PRKG1: variants seen among roughly 807,000 people sequenced by gnomAD.
PRKG1 encodes cGMP-dependent protein kinase 1.
PRKG1 carries 35 observed loss-of-function variants against 88.1 expected under a neutral mutation model. The observed-to-expected ratio is 0.40, with a 90% confidence interval of 0.30 to 0.53. The LOEUF is 0.53. Ranked by LOEUF, PRKG1 falls within the 20% of genes least tolerant of loss-of-function variation. The pLI, the probability that PRKG1 is intolerant of heterozygous loss-of-function variation, is 0.59. For missense variants in PRKG1, 540 were observed against 839.8 expected (o/e 0.64, Z 4.41); for synonymous variants, 303 against 292.5 (o/e 1.04, Z -0.37).
At chr10:51,588,406 A>G (rs776716392) in intron 3 of PRKG1, among the ~76,000 whole-genome samples, 27 of 152,304 alleles carry the variant, frequency 1.8e-4, no homozygotes, top group Admixed American at 1.0e-3. Context: ...CCTGAGCCCT[A>G]TCTCTAGAGA....
intron 17 of PRKG1, among the ~76,000 whole-genome samples, chr10:52,293,132 G>A (rs11001484): frequency 0.07 from 10,420 of 148,884 alleles, 441 homozygotes; most frequent in South Asian, 0.19. Flanking sequence ...CAAACAGAGA[G>A]CCAAATCATG....
chr10:51,750,147 G>A (rs1837685531), intron 3 of PRKG1, among the ~76,000 whole-genome samples: 2 of 151,936 alleles, frequency 1.3e-5, no homozygotes, highest in South Asian at 4.2e-4. Flanking sequence ...TATTGGCCAG[G>A]CTGGTCTCGA....
chr10:51,400,348 G>A (rs982328860), intron 2 of PRKG1, among the ~76,000 whole-genome samples: 2 of 152,188 alleles, frequency 1.3e-5, no homozygotes, highest in African/African-American at 4.8e-5. Flanking sequence ...GAGAAACAGT[G>A]TTCAGGGAAG....
intron 4 of PRKG1, among the ~76,000 whole-genome samples, chr10:51,809,014 T>A (rs942361239): frequency 2.6e-5 from 4 of 152,082 alleles, no homozygotes; most frequent in African/African-American, 9.7e-5. Context: ...AATAAACACG[T>A]AAGTTTGGAG....
intron 9 of PRKG1, among the ~76,000 whole-genome samples, chr10:52,242,539 C>T (rs933175603): frequency 4.6e-5 from 7 of 152,084 alleles, no homozygotes; most frequent in Non-Finnish European, 8.8e-5. Flanking sequence ...GTAACATATA[C>T]CAAAAGGGAG....
intron 3 of PRKG1, among the ~76,000 whole-genome samples, chr10:51,550,786 G>A (rs1050154775): frequency 5.3e-5 from 8 of 151,830 alleles, no homozygotes; most frequent in African/African-American, 1.9e-4. Flanking sequence ...CATATATCAA[G>A]AATTCATGGG....
intron 3 of PRKG1, among the ~76,000 whole-genome samples, chr10:51,476,438 A>G (rs1468549201): frequency 2.0e-5 from 3 of 152,058 alleles, no homozygotes; most frequent in African/African-American, 7.2e-5. Flanking sequence ...TGTTTTCTCT[A>G]AAGGAGAAAC....
At chr10:51,859,606 A>G (rs12261238) in intron 4 of PRKG1, among the ~76,000 whole-genome samples, 28,281 of 152,036 alleles carry the variant, frequency 0.19, 4,391 homozygotes, top group African/African-American at 0.43. Flanking sequence ...ACACTCTACC[A>G]CAGATATTCT....
At chr10:51,782,921 A>G (rs1838630682) in intron 3 of PRKG1, among the ~76,000 whole-genome samples, 1 of 152,132 alleles carries the variant, frequency 6.6e-6, no homozygotes, top group Admixed American at 6.6e-5. Context: ...ATGGACTAAT[A>G]CAGACCTGTA....
At chr10:51,396,898 A>G (rs538953856) in intron 2 of PRKG1, among the ~76,000 whole-genome samples, 2 of 152,326 alleles carry the variant, frequency 1.3e-5, no homozygotes, top group Admixed American at 6.5e-5. Flanking sequence ...CAAAGACTCA[A>G]TATTCAAGAT....
chr10:52,148,411 C>T (rs1837790917), intron 8 of PRKG1, among the ~76,000 whole-genome samples: 1 of 151,998 alleles, frequency 6.6e-6, no homozygotes, highest in Non-Finnish European at 1.5e-5. Context: ...ACTGTACTTA[C>T]CTTGTAGAGA....
chr10:51,552,514 C>T (rs1837164203), intron 3 of PRKG1, among the ~76,000 whole-genome samples: 1 of 151,468 alleles, frequency 6.6e-6, no homozygotes, highest in African/African-American at 2.4e-5. Flanking sequence ...GTCATTCAAT[C>T]CAGATAACCA....
chr10:51,969,702 C>G (rs1314721696), intron 5 of PRKG1, among the ~76,000 whole-genome samples: 1 of 151,810 alleles, frequency 6.6e-6, no homozygotes, highest in Non-Finnish European at 1.5e-5. Context: ...AAAGGCAAAT[C>G]AAAACTACAA....
At chr10:52,144,136 G>C (rs1289506694) in intron 8 of PRKG1, among the ~76,000 whole-genome samples, 4 of 152,150 alleles carry the variant, frequency 2.6e-5, no homozygotes, top group Non-Finnish European at 5.9e-5. Context: ...GGTAAAGACA[G>C]CTACTGCTGA....
chr10:52,047,375 C>T (rs1303210601), intron 5 of PRKG1, among the ~76,000 whole-genome samples: 1 of 152,074 alleles, frequency 6.6e-6, no homozygotes, highest in Non-Finnish European at 1.5e-5. Flanking sequence ...AATATTGCTG[C>T]ACTACTTCTG....
chr10:51,715,778 GA>G (rs992176343), intron 3 of PRKG1, among the ~76,000 whole-genome samples: 1 of 152,004 alleles, frequency 6.6e-6, no homozygotes, highest in African/African-American at 2.4e-5. Context: ...AAGTCAGAAT[GA>G]AAAAAATGTT....
chr10:51,769,759 C>T (rs897398971), intron 3 of PRKG1, among the ~76,000 whole-genome samples: 1 of 152,098 alleles, frequency 6.6e-6, no homozygotes, highest in South Asian at 2.1e-4. Flanking sequence ...CAGGTGTGTC[C>T]AATCTTTTGG....
chr10:51,746,603 G>T (rs1334633032), intron 3 of PRKG1, among the ~76,000 whole-genome samples: 2 of 151,916 alleles, frequency 1.3e-5, no homozygotes, highest in African/African-American at 2.4e-5. Flanking sequence ...GGTGCCTGTA[G>T]TCCCAGCTAT....
chr10:51,283,637 G>A (rs1191073698), intron 2 of PRKG1, among the ~76,000 whole-genome samples: 1 of 152,132 alleles, frequency 6.6e-6, no homozygotes, highest in Admixed American at 6.5e-5. Context: ...CAGTTGAAGA[G>A]GTAGTGGAGA....
Sources: allele counts gnomAD v4.1 joint callset (sites outside exome capture counted in the v4.1 genomes callset), GRCh38; gene constraint gnomAD v4.1.1; transcripts MANE v1.5; gene names NCBI Gene and HGNC (gene_info 2026-07-23, HGNC 2026-07-21).